RASGEF1C: variants seen among roughly 807,000 people sequenced by gnomAD.
RASGEF1C encodes ras-GEF domain-containing family member 1C.
In RASGEF1C, 27 loss-of-function variants were observed where a neutral mutation model predicts 58.1. The observed-to-expected ratio is 0.46, with a 90% CI of 0.34 to 0.64. The LOEUF is 0.64. Ranked by LOEUF, RASGEF1C falls within the 30% of genes least tolerant of loss-of-function variation. RASGEF1C has a pLI of 0.01. For synonymous variants in RASGEF1C, 243 were observed against 246.3 expected (o/e 0.99, Z 0.13); for missense variants, 502 against 605.1 (o/e 0.83, Z 1.79).
At chr5:180,132,291 G>A (rs912899160) in intron 4 of RASGEF1C, among the ~76,000 whole-genome samples, 4 of 152,214 alleles carry the variant, frequency 2.6e-5, no homozygotes, top group Admixed American at 2.0e-4. Context: ...CATCTGCTGC[G>A]TGCATAGAGC....
intron 4 of RASGEF1C, 144 bp downstream of exon 4, chr5:180,136,234 T>G (rs1766468944): frequency 2.3e-6 from 2 of 864,332 alleles, no homozygotes; most frequent in Non-Finnish European, 3.5e-6. Flanking sequence ...GCCTGATTCC[T>G]TGATAGGCCA....
intron 12 of RASGEF1C, among the ~76,000 whole-genome samples, chr5:180,108,204 C>CTTTCT (rs1554110882): frequency 4.0e-5 from 5 of 124,978 alleles, no homozygotes; most frequent in Non-Finnish European, 6.4e-5. Flanking sequence ...TTCTTTCTTT[C>CTTTCT]TTTTTTTTTT....
intron 1 of RASGEF1C, among the ~76,000 whole-genome samples, chr5:180,180,067 T>C (rs1767299130): frequency 6.6e-6 from 1 of 152,182 alleles, no homozygotes; most frequent in Non-Finnish European, 1.5e-5. Flanking sequence ...CCCCAAGCCC[T>C]GGGAGGCGGT....
chr5:180,154,746 AT>A (rs200265926), intron 1 of RASGEF1C, among the ~76,000 whole-genome samples: 2 of 151,364 alleles, frequency 1.3e-5, no homozygotes, highest in African/African-American at 2.4e-5. Context: ...ACGCCTGCCC[AT>A]TTTTTTTGTA....
chr5:180,200,800 C>A (rs1425876649), intron 1 of RASGEF1C, among the ~76,000 whole-genome samples: 3 of 152,086 alleles, frequency 2.0e-5, no homozygotes, highest in Non-Finnish European at 2.9e-5. Context: ...GGCGCGCGCT[C>A]CTCTAACTGG....
intron 8 of RASGEF1C, among the ~76,000 whole-genome samples, 179 bp downstream of exon 8, chr5:180,119,167 C>G (rs1766124789): frequency 6.6e-6 from 1 of 152,248 alleles, no homozygotes; most frequent in African/African-American, 2.4e-5. Flanking sequence ...AAAGGGGTGG[C>G]TCCCCAGGAC....
chr5:180,160,913 A>G (rs767084632), intron 1 of RASGEF1C, among the ~76,000 whole-genome samples: 3 of 152,226 alleles, frequency 2.0e-5, no homozygotes, highest in Admixed American at 6.5e-5. Flanking sequence ...GTATAACACA[A>G]TGTGGCAATA....
chr5:180,121,531 T>C (rs1766173571), intron 6 of RASGEF1C, among the ~76,000 whole-genome samples: 1 of 152,048 alleles, frequency 6.6e-6, no homozygotes, highest in South Asian at 2.1e-4. Flanking sequence ...GCCAGGATGG[T>C]CTCCATCTCC....
At chr5:180,131,430 C>T (rs574823500) in intron 4 of RASGEF1C, among the ~76,000 whole-genome samples, 5 of 152,172 alleles carry the variant, frequency 3.3e-5, no homozygotes, top group Admixed American at 1.3e-4. Flanking sequence ...GCACGTTCTC[C>T]TCATCCACTG....
rs1308443585 is a variant in RASGEF1C, at chr5:180,191,671, TAA to T, written c.-7+17355_-7+17356del. ...GCGCCCGGCCACAGTGGCTTATTTA[TAA>T]GAGTCTCAAAGAGTGAACCACCCAA... is the stretch of plus-strand genomic sequence containing the variant. On this transcript the variant is annotated intron_variant, in intron 1 of 13. Coordinates refer to ENST00000361132, the MANE Select transcript of RASGEF1C (RefSeq NM_175062.4). 2.6e-5 allele frequency among the ~76,000 whole-genome samples: 4 copies of T among 152,224 alleles called. No individual in the cohort carries two copies. The South Asian group carries it at 6.2e-4, about 24-fold the overall frequency.
chr5:180,131,604 G>A (rs771469401), intron 4 of RASGEF1C, among the ~76,000 whole-genome samples: 4 of 152,194 alleles, frequency 2.6e-5, no homozygotes, highest in Admixed American at 6.5e-5. Flanking sequence ...GCTGCCCTGT[G>A]TTCATGAAGG....
In RASGEF1C at chr5:180,198,513, G is replaced by A. The variant is rs1217854323; in HGVS notation, c.-7+10515C>T. 1.3e-5 allele frequency among the ~76,000 whole-genome samples: 2 copies of A among 152,320 alleles called. No individual in the cohort carries two copies. Among genetic ancestry groups the A allele is most frequent in the East Asian group, 3.9e-4 (2 of 5,170 alleles). On this transcript the variant is annotated intron_variant, in intron 1 of 13. Transcript: ENST00000361132. This position sits in a 1 kb window ranked among gnomAD's most constrained non-coding sequence, Gnocchi z 4.5. ...TATGCCTCACAGTTCTAGAGGCAGA[G>A]AAGTCCAAGATCAAGTTGCTCTCTG...
intron 6 of RASGEF1C, among the ~76,000 whole-genome samples, chr5:180,125,045 A>G (rs1187620195): frequency 6.6e-6 from 1 of 152,140 alleles, no homozygotes; most frequent in Admixed American, 6.5e-5. Context: ...AGGCAGGAGG[A>G]TCACTTGAGC....
chr5:180,180,341 T>C (rs1476302250), intron 1 of RASGEF1C, among the ~76,000 whole-genome samples: 1 of 152,216 alleles, frequency 6.6e-6, no homozygotes, highest in African/African-American at 2.4e-5. Flanking sequence ...GCCACAAAGC[T>C]GCCTCTTTCC....
chr5:180,200,044 A>C (rs1278332186), intron 1 of RASGEF1C, among the ~76,000 whole-genome samples: 3 of 151,978 alleles, frequency 2.0e-5, no homozygotes, highest in Admixed American at 2.0e-4. Flanking sequence ...GGTGGATCAC[A>C]AGGTAAGGAG....
intron 1 of RASGEF1C, among the ~76,000 whole-genome samples, chr5:180,191,515 G>C (rs75049160): frequency 0.57 from 86,229 of 151,620 alleles, 25,810 homozygotes; most frequent in East Asian, 0.87. Flanking sequence ...CGCCACCACG[G>C]CCGGCTGATT....
chr5:180,173,088 G>C (rs1226798203), intron 1 of RASGEF1C, among the ~76,000 whole-genome samples: 1 of 152,228 alleles, frequency 6.6e-6, no homozygotes, highest in East Asian at 1.9e-4. Flanking sequence ...TAAGTCACCT[G>C]CAGTTGACAA....
At chr5:180,132,674 T>A (rs188522526) in intron 4 of RASGEF1C, among the ~76,000 whole-genome samples, 1 of 152,096 alleles carries the variant, frequency 6.6e-6, no homozygotes, top group African/African-American at 2.4e-5. Context: ...GTGGGCGAGT[T>A]AGAAAGCAAG....
At chr5:180,120,044 G>A (rs11738004) in intron 7 of RASGEF1C, among the ~76,000 whole-genome samples, 46,153 of 152,102 alleles carry the variant, frequency 0.3, 8,620 homozygotes, top group East Asian at 0.46. Context: ...CGGCCCTCTC[G>A]CCTGCAGCCA....
Sources: allele counts gnomAD v4.1 joint callset (sites outside exome capture counted in the v4.1 genomes callset), GRCh38; gene constraint gnomAD v4.1.1; non-coding constraint Gnocchi (gnomAD v3.1); transcripts MANE v1.5; gene names NCBI Gene and HGNC (gene_info 2026-07-23, HGNC 2026-07-21).